The following CMSS1 variants were observed in gnomAD, a reference collection of about 807,000 sequenced individuals.
CMSS1 encodes the protein cms1 ribosomal small subunit homolog.
A neutral mutation model predicts 43.5 loss-of-function variants in CMSS1; 33 were observed. That is an observed-to-expected ratio of 0.76 (90% confidence interval 0.57 to 1.01). The LOEUF is 1.01. Among genes scored for constraint, CMSS1 ranks in the 50% least tolerant of loss-of-function variants. The pLI, the probability that CMSS1 is intolerant of heterozygous loss-of-function variation, is 0.00. For synonymous variants in CMSS1, 115 were observed against 117.2 expected, an observed-to-expected ratio of 0.98 and a Z score of 0.12; for missense variants, 313 against 326.4, an observed-to-expected ratio of 0.96 and a Z score of 0.32.
intron 1 of CMSS1, among the ~76,000 whole-genome samples, chr3:99,867,256 T>A (rs1944564298): frequency 6.6e-6 from 1 of 152,140 alleles, no homozygotes; most frequent in Non-Finnish European, 1.5e-5. Context: ...CCATTTAGTT[T>A]ATCTATGTGA....
intron 1 of CMSS1, chr3:100,114,079 C>G (rs1252098459): frequency 6.6e-6 from 1 of 152,134 alleles, no homozygotes; most frequent in Non-Finnish European, 1.5e-5. Context: ...AGGTGTTGAT[C>G]ACACCTGGTA....
chr3:100,014,887 C>CTTTTTTTTTTTTTTTTTTTTTTT (rs1559725867), intron 1 of CMSS1, among the ~76,000 whole-genome samples: 2 of 32,464 alleles, frequency 6.2e-5, no homozygotes, highest in Non-Finnish European at 1.2e-4. Context: ...TTTTTTTTTT[C>CTTTTTTTTTTTTTTTTTTTTTTT]TTTCTTTCTT....
At chr3:99,932,510 G>T (rs555483327) in intron 1 of CMSS1, among the ~76,000 whole-genome samples, 13 of 151,686 alleles carry the variant, frequency 8.6e-5, no homozygotes, top group Non-Finnish European at 1.6e-4. Flanking sequence ...TCAAAAAAAT[G>T]CTACTTCAAA....
intron 1 of CMSS1, chr3:99,848,886 G>GT (rs1398038536): frequency 3.1e-6 from 5 of 1,614,172 alleles, no homozygotes; most frequent in Non-Finnish European, 4.2e-6. Context: ...CAGTACTCGT[G>GT]TAAGAGTGAG....
Position 100,181,109 on chromosome 3 carries a change from C to T in CMSS1, c.*2721C>T, listed in dbSNP as rs533309062. Reference sequence around the variant, plus strand: ...GAACAGCAAGGGGGAAATCTGCCCCCATGATCTAATCACCTCCCACCAGAT... The same window carrying T: ...GAACAGCAAGGGGGAAATCTGCCCCTATGATCTAATCACCTCCCACCAGAT... On this transcript the variant is annotated 3_prime_UTR_variant, in exon 10 of 10. Transcript: ENST00000421999. 10 of 152,338 alleles carry T rather than the reference C, an allele frequency of 6.6e-5. No homozygotes were observed. The highest frequency in any genetic ancestry group is 2.4e-4 in the African/African-American group (10 of 41,562). The allele number at this position is 152,338 out of a possible 1,614,324, so 9.4% of individuals were successfully genotyped here. A position where few individuals can be genotyped will look rare whatever the true frequency, so the allele number is the denominator to read the frequency against.
intron 2 of CMSS1, among the ~76,000 whole-genome samples, chr3:100,155,042 G>T (rs976914975): frequency 6.6e-6 from 1 of 152,150 alleles, no homozygotes; most frequent in Non-Finnish European, 1.5e-5. Flanking sequence ...GAAAACTTCA[G>T]CTTCTCTAGC....
chr3:99,821,976 G>A (rs1488976750), intron 1 of CMSS1, among the ~76,000 whole-genome samples: 1 of 152,030 alleles, frequency 6.6e-6, no homozygotes. Flanking sequence ...AACCCAGGAG[G>A]TGGAGCTTGC....
intron 1 of CMSS1, among the ~76,000 whole-genome samples, chr3:100,128,722 C>A (rs150940731): frequency 1.3e-5 from 2 of 152,270 alleles, no homozygotes; most frequent in South Asian, 2.1e-4. Flanking sequence ...GTTAATGTTG[C>A]CTACTCTAGA....
chr3:100,156,329 G>A (rs1270758053), intron 2 of CMSS1, among the ~76,000 whole-genome samples: 1 of 79,668 alleles, frequency 1.3e-5, no homozygotes, highest in Non-Finnish European at 2.4e-5. Flanking sequence ...TTTTTTTTGA[G>A]GCAGAGTTCG....
intron 1 of CMSS1, among the ~76,000 whole-genome samples, chr3:99,956,986 G>A (rs1007925853): frequency 2.6e-5 from 4 of 152,108 alleles, no homozygotes; most frequent in Non-Finnish European, 5.9e-5. Flanking sequence ...TCTGTCCAGG[G>A]CTCTAGCTGG....
intron 1 of CMSS1, among the ~76,000 whole-genome samples, chr3:100,055,478 C>T (rs533210945): frequency 4.5e-4 from 69 of 152,192 alleles, no homozygotes; most frequent in African/African-American, 1.6e-3. Context: ...ATTTGTCTCT[C>T]GTTAAGTATT....
intron 1 of CMSS1, among the ~76,000 whole-genome samples, chr3:99,936,393 T>G (rs1216544471): frequency 7.5e-6 from 1 of 133,704 alleles, no homozygotes; most frequent in Non-Finnish European, 1.6e-5. Context: ...TTTTTTTTTT[T>G]GTGACAGCAT....
intron 1 of CMSS1, among the ~76,000 whole-genome samples, chr3:100,033,513 G>C (rs1176230442): frequency 6.6e-6 from 1 of 152,176 alleles, no homozygotes; most frequent in Admixed American, 6.5e-5. Context: ...CTGTCTTCAA[G>C]ACCAGGATTC....
At chr3:100,059,827 A>G (rs1410299230) in intron 1 of CMSS1, among the ~76,000 whole-genome samples, 1 of 152,162 alleles carries the variant, frequency 6.6e-6, no homozygotes, top group Non-Finnish European at 1.5e-5. Flanking sequence ...CCTGATTTTT[A>G]AAAAACTCTG....
intron 1 of CMSS1, among the ~76,000 whole-genome samples, chr3:100,072,001 G>A (rs1414299255): frequency 1.3e-5 from 2 of 152,192 alleles, no homozygotes; most frequent in East Asian, 3.8e-4. Context: ...GCAGTTCAGA[G>A]GACCAGTTGT....
At chr3:99,847,467 C>G (rs1252783704) in intron 1 of CMSS1, among the ~76,000 whole-genome samples, 2 of 151,812 alleles carry the variant, frequency 1.3e-5, no homozygotes, top group Non-Finnish European at 2.9e-5. Flanking sequence ...GAAATACAGT[C>G]AACTCTTGAT....
intron 2 of CMSS1, among the ~76,000 whole-genome samples, chr3:100,156,647 G>A (rs753416081): frequency 4.0e-5 from 6 of 150,034 alleles, no homozygotes; most frequent in Non-Finnish European, 5.9e-5. Context: ...ACGGAGTCTC[G>A]CTCTGTCGCC....
intron 1 of CMSS1, among the ~76,000 whole-genome samples, chr3:100,117,473 A>G (rs1241856427): frequency 1.3e-5 from 2 of 152,104 alleles, no homozygotes; most frequent in Non-Finnish European, 2.9e-5. Context: ...GGAATTATTC[A>G]TCATGGTGGC....
chr3:100,014,623 C>T (rs186154143), intron 1 of CMSS1, among the ~76,000 whole-genome samples: 127 of 152,010 alleles, frequency 8.4e-4, no homozygotes, highest in Admixed American at 1.8e-3. Context: ...TACCTGTTGG[C>T]CATTTGGATG....
Sources: allele counts gnomAD v4.1 joint callset (sites outside exome capture counted in the v4.1 genomes callset), GRCh38; gene constraint gnomAD v4.1.1; transcripts MANE v1.5; gene names NCBI Gene and HGNC (gene_info 2026-07-23, HGNC 2026-07-21).